Variants in NCAM1 observed in about 807,000 individuals in gnomAD.
NCAM1 encodes antigen recognized by monoclonal antibody 5.1H11.
NCAM1 carries 14 observed loss-of-function variants against 109.8 expected under a neutral mutation model. That is an observed-to-expected ratio of 0.13 (90% CI 0.08 to 0.20). The LOEUF (loss-of-function observed/expected upper bound fraction) is 0.20. Among genes scored for constraint, NCAM1 ranks in the 10% least tolerant of loss-of-function variants. The probability of loss-of-function intolerance (pLI) is 1.00; values close to 1 mark genes in which losing one functional copy is unlikely to be tolerated. For synonymous variants in NCAM1, 418 were observed against 442.9 expected, an observed-to-expected ratio of 0.94 and a Z score of 0.70; for missense variants, 774 against 1,109.9, an observed-to-expected ratio of 0.70 and a Z score of 4.30.
chr11:113,229,429 A>G (rs1944939094), intron 9 of NCAM1, among the ~76,000 whole-genome samples: 1 of 152,174 alleles, frequency 6.6e-6, no homozygotes, highest in African/African-American at 2.4e-5. Context: ...AAAGTCAGGA[A>G]ACAACAGGTG....
intron 1 of NCAM1, among the ~76,000 whole-genome samples, chr11:113,118,332 C>A (rs1249177828): frequency 6.6e-6 from 1 of 151,742 alleles, no homozygotes; most frequent in South Asian, 2.1e-4. Context: ...GGGAGATAAG[C>A]CCAAATGAGA....
intron 1 of NCAM1, chr11:113,134,055 AT>A (rs1277301746): frequency 6.6e-6 from 1 of 151,956 alleles, no homozygotes; most frequent in Non-Finnish European, 1.5e-5. Context: ...AGCGTTAAGT[AT>A]TTTAACAATG....
rs782493989 is a variant in NCAM1 at position 113,204,424 on chromosome 11, A to G, written c.266A>G (p.Asp89Gly). The change falls in exon 3 of 20, where the codon GAC becomes GGC. Residue 89 changes from aspartate to glycine, a missense_variant. This residue lies in a region of NCAM1 where 112 missense variants were observed against 142.0 expected (regional missense o/e 0.79). Coordinates refer to ENST00000316851, the MANE Select transcript of NCAM1 (RefSeq NM_181351.5). ...CTCACCATCTATAACGCCAACATCGACGACGCCGGCATTTACAAGTGTGTG... is the reference window on the plus strand; with the variant it reads ...CTCACCATCTATAACGCCAACATCGGCGACGCCGGCATTTACAAGTGTGTG... ...STLTIYNANI[D>G]DAGIYKCVVT... The G allele has an allele frequency of 1.2e-6, 2 of 1,614,010 alleles. No individual in the cohort carries two copies. Among genetic ancestry groups the G allele is most frequent in the Admixed American group, 1.7e-5 (1 of 60,028 alleles).
At chr11:113,238,772 T>C (rs1945245640) in intron 14 of NCAM1, among the ~76,000 whole-genome samples, 1 of 152,178 alleles carries the variant, frequency 6.6e-6, no homozygotes, top group African/African-American at 2.4e-5. Flanking sequence ...TGTCCTGTAA[T>C]ACTGTTGGGA....
intron 1 of NCAM1, among the ~76,000 whole-genome samples, chr11:113,114,641 C>G (rs1210864007): frequency 5.3e-5 from 8 of 152,170 alleles, no homozygotes; most frequent in African/African-American, 1.9e-4. Flanking sequence ...CATCCCTGCT[C>G]CCTCTGGTGG....
chr11:113,217,650 A>G lies in NCAM1; in HGVS notation c.1059+3139A>G, dbSNP rs78704640. ...CCTCATATTGAGCTTGTGGTCAACT[A>G]AAATGCTCAGGTCTTTTTTACATGA... On this transcript the variant is annotated intron_variant, in intron 8 of 19. Coordinates refer to ENST00000316851, the MANE Select transcript of NCAM1 (RefSeq NM_181351.5). Among the ~76,000 whole-genome samples the G allele has an allele frequency of 9.2e-5, 14 of 152,332 alleles. No homozygotes were observed. The East Asian group carries it at 2.7e-3, about 29-fold the overall frequency.
At chr11:113,268,010 C>A (rs1300508521) in intron 17 of NCAM1, among the ~76,000 whole-genome samples, 2 of 152,228 alleles carry the variant, frequency 1.3e-5, no homozygotes, top group Non-Finnish European at 2.9e-5. Flanking sequence ...GATCTTTCTT[C>A]AGGGAGTAGG....
chr11:113,042,655 C>A, intron 1 of NCAM1, among the ~76,000 whole-genome samples: 1 of 152,174 alleles, frequency 6.6e-6, no homozygotes, highest in Non-Finnish European at 1.5e-5. Flanking sequence ...ACATCCATCA[C>A]CTTCCTTCCT....
chr11:113,029,324 G>A (rs992334589), intron 1 of NCAM1, among the ~76,000 whole-genome samples: 2 of 152,160 alleles, frequency 1.3e-5, no homozygotes, highest in East Asian at 1.9e-4. Flanking sequence ...ATGAATACAC[G>A]CAATGGGGTT....
intron 1 of NCAM1, among the ~76,000 whole-genome samples, chr11:113,072,247 C>CTT (rs1555085391): frequency 2.0e-5 from 3 of 152,088 alleles, no homozygotes; most frequent in Non-Finnish European, 2.9e-5. Context: ...TTTGAATAAG[C>CTT]TTATTAATAA....
intron 1 of NCAM1, among the ~76,000 whole-genome samples, chr11:113,101,021 G>T (rs1939851627): frequency 6.6e-6 from 1 of 152,158 alleles, no homozygotes; most frequent in African/African-American, 2.4e-5. Flanking sequence ...CTCCTGTTCT[G>T]CTCAGTTCTC....
At chr11:113,100,864 C>T (rs951548775) in intron 1 of NCAM1, among the ~76,000 whole-genome samples, 1 of 152,096 alleles carries the variant, frequency 6.6e-6, no homozygotes, top group Non-Finnish European at 1.5e-5. Flanking sequence ...AAGGAACTGC[C>T]CTCTTCTGCC....
At chr11:113,270,447 G>A in intron 18 of NCAM1, 52 bp downstream of exon 18, 2 of 1,563,512 alleles carry the variant, frequency 1.3e-6, no homozygotes. Context: ...CTCCAGCCCA[G>A]GGACCCAGCA....
intron 1 of NCAM1, among the ~76,000 whole-genome samples, chr11:113,196,864 T>C (rs1227361189): frequency 3.9e-5 from 6 of 152,180 alleles, no homozygotes; most frequent in Admixed American, 3.9e-4. Context: ...GAGCAAGCCA[T>C]CTGTATTAGT....
chr11:113,015,189 A>G (rs1168437931), intron 1 of NCAM1, among the ~76,000 whole-genome samples: 2 of 152,130 alleles, frequency 1.3e-5, no homozygotes, highest in Admixed American at 1.3e-4. Context: ...CAGCCCCCTA[A>G]GGAGACAGAC....
In NCAM1 at chr11:113,277,644, T is replaced by C. The variant is rs1167843488; in HGVS notation, c.*2257T>C. ...CCCATGCCATACCTTGTCAAGACTG[T>C]CAAAGTGGTTGTGGTTAGGTCAAAC... On this transcript the variant is annotated 3_prime_UTR_variant, in exon 20 of 20. Coordinates refer to ENST00000316851, the MANE Select transcript of NCAM1 (RefSeq NM_181351.5). 1.5e-5 allele frequency: 6 copies of C among 387,158 alleles called. No individual in the cohort carries two copies. Among genetic ancestry groups the C allele is most frequent in the Non-Finnish European group, 2.7e-5 (6 of 219,482 alleles). 24.0% of individuals were successfully genotyped at this position (387,158 alleles called of 1,614,324 possible). A position where few individuals can be genotyped will look rare whatever the true frequency, so the allele number is the denominator to read the frequency against.
intron 1 of NCAM1, among the ~76,000 whole-genome samples, chr11:113,051,915 G>C (rs1402118385): frequency 6.6e-6 from 1 of 152,164 alleles, no homozygotes; most frequent in Admixed American, 6.5e-5. Context: ...TTGAGACTTT[G>C]ATACCTGTTA....
chr11:113,274,926 C>T lies in NCAM1; in HGVS notation c.2457-341C>T, dbSNP rs782292732. ...AGCTGCCTCTGCTGCCCCCTTCCAC[C>T]ACCCCAGGTAAAAACACAGCCTCTG... is the stretch of plus-strand genomic sequence containing the variant. On this transcript the variant is annotated intron_variant, in intron 19 of 19. Transcript: ENST00000316851. This position sits in a 1 kb window ranked among gnomAD's most constrained non-coding sequence, Gnocchi z 4.1. Among the ~76,000 whole-genome samples the T allele has an allele frequency of 5.9e-5, 9 of 152,230 alleles. No homozygotes were observed. Among genetic ancestry groups the T allele is most frequent in the Non-Finnish European group, 1.2e-4 (8 of 68,046 alleles).
At chr11:113,232,915 A>G in intron 12 of NCAM1, 101 bp downstream of exon 12, 1 of 1,166,460 alleles carries the variant, frequency 8.6e-7, no homozygotes, top group Non-Finnish European at 1.3e-6. Flanking sequence ...ATTGGGAAGA[A>G]GAAAGGGCCA....
Sources: gnomAD v4.1 joint callset for allele counts (sites outside exome capture counted in the v4.1 genomes callset) on GRCh38, gnomAD v4.1.1 for gene constraint, gnomAD v4.1.1 regional missense constraint, Gnocchi (gnomAD v3.1) non-coding constraint, MANE v1.5 for transcripts, NCBI Gene and HGNC (gene_info 2026-07-23, HGNC 2026-07-21) for gene names.